Variants in FBXL17 observed in about 807,000 individuals in gnomAD.
FBXL17 encodes F-box and leucine rich repeat protein 17, also known as F-box/LRR-repeat protein 17.
A neutral mutation model predicts 66.2 loss-of-function variants in FBXL17; 22 were observed. The ratio of observed to expected loss-of-function variants is 0.33; its 90% CI spans 0.24 to 0.47. The LOEUF is 0.47. FBXL17 is among the 20% of genes least tolerant of loss of function. The pLI is 1.00. For synonymous variants in FBXL17, 474 were observed against 400.5 expected (o/e 1.18, Z -2.19); for missense variants, 878 against 948.2 (o/e 0.93, Z 0.97).
chr5:108,281,067 T>C (rs1429537008), intron 4 of FBXL17, among the ~76,000 whole-genome samples: 1 of 151,774 alleles, frequency 6.6e-6, no homozygotes, highest in Non-Finnish European at 1.5e-5. Context: ...AGCAATACAA[T>C]AATAGTGGAG....
intron 7 of FBXL17, among the ~76,000 whole-genome samples, chr5:107,994,870 T>C (rs10056741): frequency 0.26 from 39,564 of 151,764 alleles, 6,745 homozygotes; most frequent in African/African-American, 0.48. Flanking sequence ...AAAACACCTA[T>C]ACAGATATTT....
chr5:108,156,692 G>A (rs751520622), intron 6 of FBXL17, among the ~76,000 whole-genome samples: 3 of 151,750 alleles, frequency 2.0e-5, no homozygotes, highest in Non-Finnish European at 4.4e-5. Flanking sequence ...ATAAAAGCAA[G>A]TTTCAGGAAT....
At chr5:108,175,412 T>C (rs1021110306) in intron 6 of FBXL17, among the ~76,000 whole-genome samples, 5 of 152,234 alleles carry the variant, frequency 3.3e-5, no homozygotes, top group Admixed American at 6.5e-5. Context: ...ATCAACATTA[T>C]TATTTCATCT....
chr5:108,027,417 T>C (rs1035446102), intron 6 of FBXL17, among the ~76,000 whole-genome samples: 13 of 152,168 alleles, frequency 8.5e-5, no homozygotes, highest in Non-Finnish European at 5.9e-5. Flanking sequence ...TCCATTACCA[T>C]AACTAACTAA....
At chr5:107,922,223 G>A (rs1476642932) in intron 7 of FBXL17, among the ~76,000 whole-genome samples, 1 of 152,178 alleles carries the variant, frequency 6.6e-6, no homozygotes, top group East Asian at 1.9e-4. Context: ...AAGTCTATGG[G>A]ACTATTTCTT....
At chr5:108,290,172 G>A (rs1423882996) in intron 4 of FBXL17, among the ~76,000 whole-genome samples, 2 of 152,136 alleles carry the variant, frequency 1.3e-5, no homozygotes, top group Non-Finnish European at 2.9e-5. Context: ...TTTTTTCTTA[G>A]TGGTACATAA....
intron 4 of FBXL17, among the ~76,000 whole-genome samples, chr5:108,287,018 A>G (rs1757925817): frequency 6.6e-6 from 1 of 152,052 alleles, no homozygotes; most frequent in African/African-American, 2.4e-5. Context: ...CAACAAAAAC[A>G]AGCAATGGGA....
intron 6 of FBXL17, among the ~76,000 whole-genome samples, chr5:108,096,117 T>C (rs1388622606): frequency 6.6e-6 from 1 of 152,202 alleles, no homozygotes; most frequent in African/African-American, 2.4e-5. Context: ...CCAAAAAAAG[T>C]GAATGATTAC....
At chr5:108,088,913 C>T (rs1016574214) in intron 6 of FBXL17, among the ~76,000 whole-genome samples, 6 of 152,014 alleles carry the variant, frequency 3.9e-5, no homozygotes, top group Non-Finnish European at 7.4e-5. Flanking sequence ...CAAATGGATG[C>T]CTCAAAGGCA....
Position 108,241,014 on chromosome 5 carries a change from C to G in FBXL17, c.1507-16786G>C, listed in dbSNP as rs185728906. ...CAAGAGCCACGGCATTGCTGGAAAGCCTTCCCAAGAAGGATGGGTATGAAC... is the reference window on the plus strand; with the variant it reads ...CAAGAGCCACGGCATTGCTGGAAAGGCTTCCCAAGAAGGATGGGTATGAAC... On this transcript the variant is annotated intron_variant, in intron 4 of 8. Coordinates refer to ENST00000542267, the MANE Select transcript of FBXL17 (RefSeq NM_001163315.3). 3.6e-3 allele frequency among the ~76,000 whole-genome samples: 550 copies of G among 152,294 alleles called. 4 individuals are homozygous for G. Among genetic ancestry groups the G allele is most frequent in the African/African-American group, 0.013 (530 of 41,560 alleles).
chr5:108,075,957 T>C (rs1748528070), intron 6 of FBXL17, among the ~76,000 whole-genome samples: 3 of 152,210 alleles, frequency 2.0e-5, no homozygotes, highest in African/African-American at 7.2e-5. Flanking sequence ...TATTCATAAA[T>C]TAAAGAAATG....
At chr5:108,223,452 T>C (rs1260561859) in intron 5 of FBXL17, among the ~76,000 whole-genome samples, 1 of 152,228 alleles carries the variant, frequency 6.6e-6, no homozygotes, top group Non-Finnish European at 1.5e-5. Flanking sequence ...CTGAAATTTA[T>C]ACAGTAACAA....
At chr5:108,110,271 T>G (rs2149952078) in intron 6 of FBXL17, among the ~76,000 whole-genome samples, 1 of 152,312 alleles carries the variant, frequency 6.6e-6, no homozygotes, top group East Asian at 1.9e-4. Flanking sequence ...CTCTTCAAGT[T>G]TAATTTGAAA....
At chr5:108,290,241 T>C (rs894482596) in intron 4 of FBXL17, among the ~76,000 whole-genome samples, 3 of 152,126 alleles carry the variant, frequency 2.0e-5, no homozygotes, top group Non-Finnish European at 4.4e-5. Context: ...GAGAATTCTG[T>C]AGAATGGCAA....
At chr5:108,378,707 T>C (rs539744483) in intron 1 of FBXL17, among the ~76,000 whole-genome samples, 11 of 152,300 alleles carry the variant, frequency 7.2e-5, no homozygotes, top group Admixed American at 6.5e-4. Context: ...ACCCTGAGTC[T>C]CAGCACAGAC....
At position 108,118,690 on chromosome 5, in the gene FBXL17, A is replaced by G. The variant is rs551021758; in HGVS notation, c.1745+67427T>C. Reference sequence around the variant, plus strand: ...GTCAATGTTTCCCCATCATCTATATATAATATTCTAAATTCTTGGCATAAT... The same window carrying G: ...GTCAATGTTTCCCCATCATCTATATGTAATATTCTAAATTCTTGGCATAAT... On this transcript the variant is annotated intron_variant, in intron 6 of 8. Coordinates refer to ENST00000542267, the MANE Select transcript of FBXL17 (RefSeq NM_001163315.3). Among the ~76,000 whole-genome samples, 4 of 152,232 alleles carry G rather than the reference A, an allele frequency of 2.6e-5. No homozygotes were observed. The South Asian group carries it at 8.3e-4, about 32-fold the overall frequency.
At chr5:107,881,691 C>T (rs1345987902) in intron 7 of FBXL17, among the ~76,000 whole-genome samples, 2 of 152,088 alleles carry the variant, frequency 1.3e-5, no homozygotes, top group Non-Finnish European at 2.9e-5. Flanking sequence ...TTCACATTAG[C>T]GCTTCTTGGG....
At chr5:108,085,479 G>A (rs563067166) in intron 6 of FBXL17, among the ~76,000 whole-genome samples, 3 of 152,308 alleles carry the variant, frequency 2.0e-5, no homozygotes, top group South Asian at 2.1e-4. Context: ...ATGGCTGAGC[G>A]TAGGCTAAGC....
At chr5:108,122,980 C>T (rs1485841718) in intron 6 of FBXL17, among the ~76,000 whole-genome samples, 1 of 151,660 alleles carries the variant, frequency 6.6e-6, no homozygotes, top group South Asian at 2.1e-4. Flanking sequence ...AATCTGTGGC[C>T]AAAGGCTAGG....
Sources: allele counts gnomAD v4.1 joint callset (sites outside exome capture counted in the v4.1 genomes callset), GRCh38; gene constraint gnomAD v4.1.1; transcripts MANE v1.5; gene names NCBI Gene and HGNC (gene_info 2026-07-23, HGNC 2026-07-21).